Variants in ROBO1 observed in about 807,000 individuals in gnomAD.
The protein encoded by ROBO1 is roundabout guidance receptor 1.
In ROBO1, 149 loss-of-function variants were observed where a neutral mutation model predicts 195.9. The ratio of observed to expected loss-of-function variants is 0.76; its 90% confidence interval spans 0.67 to 0.87. The LOEUF is 0.87. Among genes scored for constraint, ROBO1 ranks in the 40% least tolerant of loss-of-function variants. The probability of loss-of-function intolerance (pLI) is 0.00; values close to 1 mark genes in which losing one functional copy is unlikely to be tolerated. For synonymous variants in ROBO1, 816 were observed against 733.2 expected (o/e 1.11, Z -1.82); for missense variants, 1,933 against 2,068.3 (o/e 0.93, Z 1.27).
chr3:79,569,210 A>C (rs1361741913), intron 2 of ROBO1, among the ~76,000 whole-genome samples: 1 of 152,342 alleles, frequency 6.6e-6, no homozygotes, highest in Non-Finnish European at 1.5e-5. Context: ...CTGACAATTT[A>C]TTAAAGAACA....
chr3:79,454,766 T>C (rs2039561564), intron 2 of ROBO1, among the ~76,000 whole-genome samples: 1 of 152,152 alleles, frequency 6.6e-6, no homozygotes, highest in Non-Finnish European at 1.5e-5. Flanking sequence ...ATCTCATCTT[T>C]ACATTTGTTT....
intron 2 of ROBO1, among the ~76,000 whole-genome samples, chr3:79,273,683 T>C (rs1425376844): frequency 6.6e-6 from 1 of 151,104 alleles, no homozygotes; most frequent in African/African-American, 2.4e-5. Flanking sequence ...ACATTGAATG[T>C]AAATGGGCTA....
At chr3:79,277,447 T>C (rs1238283414) in intron 2 of ROBO1, among the ~76,000 whole-genome samples, 1 of 151,958 alleles carries the variant, frequency 6.6e-6, no homozygotes, top group Non-Finnish European at 1.5e-5. Flanking sequence ...AACTAGAGAA[T>C]AGGATGATGG....
At chr3:79,740,134 A>G (rs1277597869) in intron 1 of ROBO1, among the ~76,000 whole-genome samples, 1 of 149,634 alleles carries the variant, frequency 6.7e-6, no homozygotes, top group Non-Finnish European at 1.5e-5. Context: ...AAGAGATCCT[A>G]CTAAATCCAT....
intron 2 of ROBO1, among the ~76,000 whole-genome samples, chr3:79,349,883 G>C (rs1559836860): frequency 6.6e-6 from 1 of 152,024 alleles, no homozygotes; most frequent in Non-Finnish European, 1.5e-5. Flanking sequence ...TGTGACCTTG[G>C]CTTTTACCAT....
At chr3:79,394,685 C>A (rs1252886170) in intron 2 of ROBO1, among the ~76,000 whole-genome samples, 5 of 151,936 alleles carry the variant, frequency 3.3e-5, no homozygotes, top group Non-Finnish European at 5.9e-5. Flanking sequence ...AATATAGATT[C>A]TTCTTAATAG....
intron 2 of ROBO1, among the ~76,000 whole-genome samples, chr3:79,338,488 C>T (rs2034775531): frequency 6.6e-6 from 1 of 152,108 alleles, no homozygotes; most frequent in Non-Finnish European, 1.5e-5. Flanking sequence ...TTCAGAGTCA[C>T]TTCTATAGTT....
intron 1 of ROBO1, among the ~76,000 whole-genome samples, chr3:79,748,795 C>A (rs1703987136): frequency 6.6e-6 from 1 of 152,254 alleles, no homozygotes; most frequent in African/African-American, 2.4e-5. Flanking sequence ...GTGACTTGCT[C>A]CTACTTGCCT....
chr3:78,808,339 G>A (rs1452740469), intron 4 of ROBO1, among the ~76,000 whole-genome samples: 1 of 152,022 alleles, frequency 6.6e-6, no homozygotes, highest in Non-Finnish European at 1.5e-5. Flanking sequence ...TGAGTAGCTG[G>A]GATTACAGGT....
At position 78,949,147 on chromosome 3, in the gene ROBO1, T is replaced by C. The variant is rs1291564816; in HGVS notation, c.173-10220A>G. On this transcript the variant is annotated intron_variant, in intron 3 of 30. Coordinates refer to ENST00000464233, the MANE Select transcript of ROBO1 (RefSeq NM_002941.4). ...GCTACCAATGACTTTCTTCACAGAATTGGAAAAAACTACTTTAAAGTTCAT... is the reference window on the plus strand; with the variant it reads ...GCTACCAATGACTTTCTTCACAGAACTGGAAAAAACTACTTTAAAGTTCAT... 3.5e-4 allele frequency among the ~76,000 whole-genome samples: 46 copies of C among 133,188 alleles called. 1 individual carries two copies. Among genetic ancestry groups the C allele is most frequent in the Admixed American group, 3.0e-3 (40 of 13,426 alleles). 87.4% of individuals were successfully genotyped at this position (133,188 alleles called of 152,430 possible).
At chr3:79,083,118 G>A (rs1284465797) in intron 3 of ROBO1, among the ~76,000 whole-genome samples, 1 of 152,020 alleles carries the variant, frequency 6.6e-6, no homozygotes, top group Non-Finnish European at 1.5e-5. Flanking sequence ...AATCACTTGG[G>A]CCAAAGAGGT....
chr3:78,780,546 T>C (rs554273537), intron 4 of ROBO1, among the ~76,000 whole-genome samples: 1 of 152,222 alleles, frequency 6.6e-6, no homozygotes, highest in African/African-American at 2.4e-5. Context: ...ATTGTACGCC[T>C]TCCTCTACTG....
intron 4 of ROBO1, among the ~76,000 whole-genome samples, chr3:78,788,571 A>G (rs2083922377): frequency 2.0e-5 from 3 of 151,818 alleles, no homozygotes. Flanking sequence ...TATTTTCCAA[A>G]GGGCTTTTAT....
intron 1 of ROBO1, among the ~76,000 whole-genome samples, chr3:79,625,423 G>GAAAAAAAAAAAAAAAAAAAAAAA: frequency 1.4e-4 from 2 of 13,880 alleles, no homozygotes; most frequent in African/African-American, 2.3e-4. Context: ...TGTTTTTTTT[G>GAAAAAAAAAAAAAAAAAAAAAAA]AAAAAAAAAA....
intron 1 of ROBO1, among the ~76,000 whole-genome samples, chr3:79,602,140 A>G (rs368614775): frequency 6.6e-6 from 1 of 152,082 alleles, no homozygotes; most frequent in East Asian, 1.9e-4. Flanking sequence ...ACCTTCCCTT[A>G]TGTTGGGTTA....
At chr3:79,632,088 G>T (rs1945361538) in intron 1 of ROBO1, among the ~76,000 whole-genome samples, 1 of 152,034 alleles carries the variant, frequency 6.6e-6, no homozygotes, top group South Asian at 2.1e-4. Flanking sequence ...TCAAAGAACT[G>T]AAAATAAAAC....
chr3:78,853,712 T>C (rs148269810), intron 4 of ROBO1, among the ~76,000 whole-genome samples: 164 of 152,164 alleles, frequency 1.1e-3, no homozygotes, highest in African/African-American at 3.4e-3. Flanking sequence ...ACGCTGCTGA[T>C]AAAGACATAC....
intron 4 of ROBO1, among the ~76,000 whole-genome samples, chr3:78,903,309 A>G (rs1002960309): frequency 3.9e-5 from 6 of 152,228 alleles, no homozygotes; most frequent in African/African-American, 1.4e-4. Context: ...ACTATTAAAC[A>G]ATTAAATACT....
At chr3:79,325,040 T>A (rs960312926) in intron 2 of ROBO1, among the ~76,000 whole-genome samples, 1 of 152,218 alleles carries the variant, frequency 6.6e-6, no homozygotes, top group Non-Finnish European at 1.5e-5. Flanking sequence ...TAGTTGAGAC[T>A]GATTCTCCGA....
Sources: gnomAD v4.1 joint callset for allele counts (sites outside exome capture counted in the v4.1 genomes callset) on GRCh38, gnomAD v4.1.1 for gene constraint, MANE v1.5 for transcripts, NCBI Gene and HGNC (gene_info 2026-07-23, HGNC 2026-07-21) for gene names.